BAHCC1: variants seen among roughly 807,000 people sequenced by gnomAD.
The protein encoded by BAHCC1 is BAH domain and coiled-coil containing 1.
Under a neutral mutation model 88.2 loss-of-function variants are expected in BAHCC1, and 43 were observed. The ratio of observed to expected loss-of-function variants is 0.49; its 90% CI spans 0.38 to 0.63. The LOEUF (loss-of-function observed/expected upper bound fraction) is 0.63, where lower values mean the gene tolerates loss of function less well. Ranked by LOEUF, BAHCC1 falls within the 20% of genes least tolerant of loss-of-function variation. The pLI is 0.00. For missense variants in BAHCC1, 3,023 were observed against 1,654.8 expected, an observed-to-expected ratio of 1.83 and a Z score of -14.34; for synonymous variants, 1,510 against 745.5, an observed-to-expected ratio of 2.03 and a Z score of -16.71.
At chr17:81,423,798 A>T (rs1476493070) in intron 2 of BAHCC1, among the ~76,000 whole-genome samples, 2 of 152,176 alleles carry the variant, frequency 1.3e-5, no homozygotes, top group Non-Finnish European at 2.9e-5. Flanking sequence ...TGGCCACTGG[A>T]CTTGGGCAGA....
At chr17:81,415,569 GGCCCCA>G (rs1257484115) in intron 2 of BAHCC1, 2 of 515,328 alleles carry the variant, frequency 3.9e-6, no homozygotes, top group African/African-American at 3.9e-5. Context: ...GACCTGTGCT[GGCCCCA>G]GCCCCTTCCT....
At chr17:81,425,865 G>GTGT (rs1303512562) in intron 2 of BAHCC1, among the ~76,000 whole-genome samples, 6 of 148,764 alleles carry the variant, frequency 4.0e-5, no homozygotes, top group Non-Finnish European at 7.5e-5. Flanking sequence ...GGTGGTGGTG[G>GTGT]TGGGTGATGT....
rs577738926 is a variant in BAHCC1 at position 81,466,257 on chromosome 17, A to G, written c.*2440A>G. The G allele has an allele frequency of 6.6e-6, 1 of 152,670 alleles. No individual in the cohort carries two copies. Among genetic ancestry groups the G allele is most frequent in the African/African-American group, 2.4e-5 (1 of 41,538 alleles). 9.5% of individuals were successfully genotyped at this position (152,670 alleles called of 1,614,324 possible). On this transcript the variant is annotated 3_prime_UTR_variant, in exon 28 of 28. Coordinates refer to ENST00000675386, the MANE Select transcript of BAHCC1 (RefSeq NM_001377448.1). ...AAAGGTTTTATGAACAGCAGACTCT[A>G]TGTAAAGGCATTTTAGTATCAAATT...
At position 81,399,948 on chromosome 17, in the gene BAHCC1, G is replaced by T. The variant is rs1555645776; in HGVS notation, c.178+31G>T. ...TGCTCGGCCGGGGCGGGCGCGGGAC[G>T]GGAGCGTTCGAGAGCGGAACAGGGC... On this transcript the variant is annotated intron_variant, in intron 2 of 27. Transcript: ENST00000675386. The surrounding 1 kb of genome is among the most constrained non-coding windows in gnomAD (Gnocchi z 4.5). The T allele has an allele frequency of 1.5e-6, 2 of 1,312,498 alleles. No individual in the cohort carries two copies. The highest frequency in any genetic ancestry group is 1.9e-6 in the Non-Finnish European group (2 of 1,026,108). 81.3% of individuals were successfully genotyped at this position (1,312,498 alleles called of 1,614,324 possible).
At chr17:81,421,940 C>T (rs932119950) in intron 2 of BAHCC1, 6 of 429,204 alleles carry the variant, frequency 1.4e-5, no homozygotes, top group Non-Finnish European at 2.3e-5. Context: ...TGCAGCTGTG[C>T]CCAGAAGTGG....
rs1356846249 is a variant in BAHCC1 at position 81,423,145 on chromosome 17, C to T, written c.179-3655C>T. Among the ~76,000 whole-genome samples the T allele has an allele frequency of 5.3e-5, 8 of 152,282 alleles. No homozygotes were observed. The East Asian group carries it at 7.7e-4, about 15-fold the overall frequency. ...CTTGGGCCGGCTCTTCCTCTCCACC[C>T]GCCCACCCGCCGCAGAGGCCAGCTC... is the stretch of plus-strand genomic sequence containing the variant. On this transcript the variant is annotated intron_variant, in intron 2 of 27. Transcript: ENST00000675386.
In BAHCC1 at chr17:81,452,809, G is replaced by C. The variant is rs782024906; in HGVS notation, c.4403G>C (p.Arg1468Pro). ...CACTCAAGCTCGCTGCCTGCCCCAC[G>C]TCCCACGGGGCCGCTCCCCAGGAGC... Reference protein sequence around the residue: ...RKHSSSLPAPRPTGPLPRSDG... With the variant: ...RKHSSSLPAPPPTGPLPRSDG... Residue 1468 changes from arginine (R) to proline (P), a missense_variant, in exon 14 of 28, where the codon CGT becomes CCT. Coordinates refer to ENST00000675386, the MANE Select transcript of BAHCC1 (RefSeq NM_001377448.1). 1.3e-6 allele frequency: 1 copy of C among 740,772 alleles called. No homozygotes were observed. Among genetic ancestry groups the C allele is most frequent in the South Asian group, 1.4e-5 (1 of 69,408 alleles). The allele number at this position is 740,772 out of a possible 1,614,324, so 45.9% of individuals were successfully genotyped here. A position where few individuals can be genotyped will look rare whatever the true frequency, so the allele number is the denominator to read the frequency against.
chr17:81,429,913 C>T (rs2143431394), intron 3 of BAHCC1, among the ~76,000 whole-genome samples: 1 of 152,360 alleles, frequency 6.6e-6, no homozygotes, highest in African/African-American at 2.4e-5. Flanking sequence ...GGGCTTCCTG[C>T]TTCCCCGGGG....
rs77991426 is a variant in BAHCC1 at position 81,400,412 on chromosome 17, A to G, written c.178+495A>G. Among the ~76,000 whole-genome samples the G allele has an allele frequency of 1.2e-3, 185 of 152,262 alleles. 2 individuals carry two copies. In the East Asian group the frequency reaches 0.03, roughly 25 times the overall value. On this transcript the variant is annotated intron_variant, in intron 2 of 27. Coordinates refer to ENST00000675386, the MANE Select transcript of BAHCC1 (RefSeq NM_001377448.1). ...AGCGTTAATAGGGACTGCTGGTGTA[A>G]GACGAGCAAATCCTGTTTCTATATA...
chr17:81,460,149 C>G lies in BAHCC1; in HGVS notation c.5906-128C>G. The stretch of plus-strand genomic sequence containing the variant: ...CTGGGCTGCAGGGCGGCTCCACTGT[C>G]TGTGTGGTCAGGGAGCAGAACCCCA... On this transcript the variant is annotated intron_variant, in intron 23 of 27. Transcript: ENST00000675386. 7.9e-6 allele frequency: 5 copies of G among 636,468 alleles called. No individual in the cohort carries two copies. In the South Asian group the frequency reaches 9.2e-5, roughly 12 times the overall value. The allele number at this position is 636,468 out of a possible 1,614,324, so 39.4% of individuals were successfully genotyped here. A position where few individuals can be genotyped will look rare whatever the true frequency, so the allele number is the denominator to read the frequency against.
At chr17:81,396,130 GGGTTGGCCCTGCCC>G (rs2063743899) in intron 1 of BAHCC1, 1 of 152,302 alleles carries the variant, frequency 6.6e-6, no homozygotes, top group Non-Finnish European at 1.5e-5. Flanking sequence ...GAACAGTCCT[GGGTTGGCCCTGCCC>G]GGTCGGTCCG....
Position 81,435,192 on chromosome 17 carries a change from G to A in BAHCC1, c.359-3178G>A, listed in dbSNP as rs1555651537. Reference sequence around the variant, plus strand: ...CCCTTGACCTCCCCAGACGTGGTGAGCTCAGGCCTGGGGGTGGTTGGGAGG... The same window carrying A: ...CCCTTGACCTCCCCAGACGTGGTGAACTCAGGCCTGGGGGTGGTTGGGAGG... On this transcript the variant is annotated intron_variant, in intron 3 of 27. Transcript: ENST00000675386. The surrounding 1 kb of genome is among the most constrained non-coding windows in gnomAD (Gnocchi z 4.4). 6.6e-6 allele frequency among the ~76,000 whole-genome samples: 1 copy of A among 152,106 alleles called. No individual in the cohort carries two copies. Among genetic ancestry groups the A allele is most frequent in the Non-Finnish European group, 1.5e-5 (1 of 68,006 alleles).
chr17:81,408,117 G>C (rs6565564), intron 2 of BAHCC1, among the ~76,000 whole-genome samples: 146,712 of 152,318 alleles, frequency 0.96, 70,716 homozygotes, highest in East Asian at 1. Flanking sequence ...GCTGTGGACC[G>C]TGTCCTCGGG....
Position 81,460,979 on chromosome 17 carries a change from C to T in BAHCC1, c.6316C>T (p.Arg2106Trp), listed in dbSNP as rs1164676419. Reference protein sequence around the residue: ...LSWSAVAQTKRKAVAAASKGP... With the variant: ...LSWSAVAQTKWKAVAAASKGP... ...CTGGTCCGCGGTGGCGCAGACCAAG[C>T]GGAAGGCGGTGGCAGCGGCCAGCAA... The change falls in exon 26 of 28, where the codon CGG (arginine) becomes TGG (tryptophan). Residue 2106 changes from arginine (R) to tryptophan (W), a missense_variant. Transcript: ENST00000675386. 6 of 772,756 alleles carry T rather than the reference C, an allele frequency of 7.8e-6. No homozygotes were observed. Among genetic ancestry groups the T allele is most frequent in the East Asian group, 4.9e-5 (2 of 41,218 alleles). The allele number at this position is 772,756 out of a possible 1,614,324, so 47.9% of individuals were successfully genotyped here. A position where few individuals can be genotyped will look rare whatever the true frequency, so the allele number is the denominator to read the frequency against.
chr17:81,460,096 G>A (rs2030113350), intron 23 of BAHCC1, among the ~76,000 whole-genome samples, 181 bp from the exon 24 acceptor site: 1 of 152,124 alleles, frequency 6.6e-6, no homozygotes, highest in South Asian at 2.1e-4. Flanking sequence ...GGGAGGCACT[G>A]CAGGAGGTGG....
Position 81,426,833 on chromosome 17 carries a change from C to T in BAHCC1, c.212C>T (p.Ser71Phe). ...CGCCTGATGGGAAGTTCTCCGGCCT[C>T]CTCGTTCATGGGCAGTTTCCTCACC... is the stretch of plus-strand genomic sequence containing the variant. ...SSRLMGSSPA[S>F]SFMGSFLTSS... Residue 71 changes from serine (S) to phenylalanine (F), a missense_variant, in exon 3 of 28, where the codon TCC (serine) becomes TTC (phenylalanine). Transcript: ENST00000675386. 2 of 399,394 alleles carry T rather than the reference C, an allele frequency of 5.0e-6. No homozygotes were observed. The highest frequency in any genetic ancestry group is 8.8e-6 in the Non-Finnish European group (2 of 226,746). 24.7% of individuals were successfully genotyped at this position (399,394 alleles called of 1,614,324 possible).
At chr17:81,463,563 C>T (rs781970792) in intron 27 of BAHCC1, 48 bp from the exon 28 acceptor site, 19 of 773,314 alleles carry the variant, frequency 2.5e-5, no homozygotes, top group Non-Finnish European at 3.6e-5. Flanking sequence ...TGGGCAGGGG[C>T]GCACTGGCCA....
intron 4 of BAHCC1, 49 bp downstream of exon 4, chr17:81,438,541 G>A (rs1283502990): frequency 1.4e-6 from 1 of 736,598 alleles, no homozygotes; most frequent in Non-Finnish European, 2.5e-6. Flanking sequence ...CTGGAGGTGG[G>A]GAGGGGGCGC....
intron 3 of BAHCC1, among the ~76,000 whole-genome samples, chr17:81,429,334 T>TC (rs1331030554): frequency 2.0e-5 from 3 of 152,166 alleles, no homozygotes; most frequent in African/African-American, 7.2e-5. Flanking sequence ...CAGCTTGCTG[T>TC]CCCCTGCTCT....
Sources: gnomAD v4.1 joint callset for allele counts (sites outside exome capture counted in the v4.1 genomes callset) on GRCh38, gnomAD v4.1.1 for gene constraint, Gnocchi (gnomAD v3.1) non-coding constraint, MANE v1.5 for transcripts, NCBI Gene and HGNC (gene_info 2026-07-23, HGNC 2026-07-21) for gene names.